The following PPARG variants were observed in gnomAD, a reference collection of about 807,000 sequenced individuals.
PPARG encodes peroxisome proliferator-activated receptor gamma.
A neutral mutation model predicts 39.2 loss-of-function variants in PPARG; 17 were observed. That is an observed-to-expected ratio of 0.43 (90% confidence interval 0.30 to 0.65). PPARG has a LOEUF of 0.65. PPARG is among the 30% of genes least tolerant of loss of function. The pLI, the probability that PPARG is intolerant of heterozygous loss-of-function variation, is 0.13. For missense variants in PPARG, 406 were observed against 585.9 expected (o/e 0.69, Z 3.17); for synonymous variants, 223 against 215.7 (o/e 1.03, Z -0.30).
intron 2 of PPARG, chr3:12,328,322 G>C (rs2047754131): frequency 1.1e-6 from 1 of 947,536 alleles, no homozygotes; most frequent in East Asian, 2.6e-5. Context: ...CTCATTCCTG[G>C]TGGGGGCAGA....
rs550429402 is a variant in PPARG, at chr3:12,428,636, TCAGTAAAGGA to T, written c.1181-5260_1181-5251del. The stretch of plus-strand genomic sequence containing the variant: ...GCACAACTGTGGCACCTGGCTTAGC[TCAGTAAAGGA>T]CTGAGTGTGCGTGGAGCAGAAAGGG... On this transcript the variant is annotated intron_variant, in intron 7 of 7. Transcript: ENST00000651735. 4.4e-4 allele frequency among the ~76,000 whole-genome samples: 67 copies of T among 152,278 alleles called. No homozygotes were observed. In the South Asian group the frequency reaches 0.014, roughly 32 times the overall value.
intron 3 of PPARG, 68 bp downstream of exon 3, chr3:12,379,999 T>C (rs1005440901): frequency 7.8e-7 from 1 of 1,279,380 alleles, no homozygotes; most frequent in Non-Finnish European, 1.1e-6. Flanking sequence ...AGTAACCCTG[T>C]AATAAATAAT....
chr3:12,395,035 TC>T (rs750141263), intron 5 of PPARG, among the ~76,000 whole-genome samples: 10 of 152,188 alleles, frequency 6.6e-5, no homozygotes, highest in Non-Finnish European at 1.5e-4. Flanking sequence ...GAATGTAGCT[TC>T]CCCTTTGGCC....
intron 1 of PPARG, among the ~76,000 whole-genome samples, chr3:12,311,251 A>T (rs2124992212): frequency 6.6e-6 from 1 of 152,198 alleles, no homozygotes; most frequent in African/African-American, 2.4e-5. Flanking sequence ...CTACAGGCAC[A>T]TGCCACCATG....
chr3:12,404,452 G>T (rs1484475997), intron 5 of PPARG, among the ~76,000 whole-genome samples: 1 of 152,198 alleles, frequency 6.6e-6, no homozygotes, highest in African/African-American at 2.4e-5. Flanking sequence ...TGGGAAAGTT[G>T]TCGTGTGCTG....
At chr3:12,386,797 G>A (rs775661845) in intron 4 of PPARG, among the ~76,000 whole-genome samples, 6 of 152,070 alleles carry the variant, frequency 3.9e-5, no homozygotes, top group Non-Finnish European at 8.8e-5. Context: ...TTACACATGT[G>A]TCATGTTGAT....
At chr3:12,342,242 G>A (rs1478267617) in intron 2 of PPARG, among the ~76,000 whole-genome samples, 1 of 152,156 alleles carries the variant, frequency 6.6e-6, no homozygotes, top group Non-Finnish European at 1.5e-5. Context: ...GATACAACAA[G>A]AAAACAACCA....
At chr3:12,413,720 T>C (rs2050961142) in intron 6 of PPARG, among the ~76,000 whole-genome samples, 1 of 149,710 alleles carries the variant, frequency 6.7e-6, no homozygotes, top group South Asian at 2.1e-4. Context: ...CTCTGGAGGC[T>C]GAGGAGAATC....
At chr3:12,309,521 A>G (rs2047167604) in intron 1 of PPARG, among the ~76,000 whole-genome samples, 1 of 152,190 alleles carries the variant, frequency 6.6e-6, no homozygotes, top group African/African-American at 2.4e-5. Flanking sequence ...TCAGGTTTTA[A>G]TATCAGTGTT....
At chr3:12,361,541 G>A (rs542161547) in intron 2 of PPARG, among the ~76,000 whole-genome samples, 1 of 152,312 alleles carries the variant, frequency 6.6e-6, no homozygotes, top group South Asian at 2.1e-4. Context: ...TGTAAGGCAA[G>A]GGTTTATCTC....
At chr3:12,354,617 G>A (rs2048598576) in intron 2 of PPARG, among the ~76,000 whole-genome samples, 1 of 152,136 alleles carries the variant, frequency 6.6e-6, no homozygotes, top group Non-Finnish European at 1.5e-5. Context: ...GCCAGGCGTG[G>A]TGGTGGGCGC....
intron 5 of PPARG, among the ~76,000 whole-genome samples, chr3:12,400,115 C>T (rs2125237174): frequency 6.6e-6 from 1 of 152,112 alleles, no homozygotes; most frequent in African/African-American, 2.4e-5. Flanking sequence ...TACTATTTTT[C>T]AAAAGCCTGA....
intron 2 of PPARG, among the ~76,000 whole-genome samples, chr3:12,374,230 T>A (rs2049324898): frequency 6.6e-6 from 1 of 152,050 alleles, no homozygotes; most frequent in Admixed American, 6.6e-5. Context: ...AGGTGGAGTA[T>A]GGGGTATGTT....
intron 2 of PPARG, among the ~76,000 whole-genome samples, chr3:12,355,028 A>C (rs979406531): frequency 1.3e-5 from 2 of 152,224 alleles, no homozygotes; most frequent in Non-Finnish European, 2.9e-5. Context: ...GCCTAAATAA[A>C]AGTGACAATT....
chr3:12,371,256 A>G (rs2049200812), intron 2 of PPARG, among the ~76,000 whole-genome samples: 1 of 152,166 alleles, frequency 6.6e-6, no homozygotes, highest in Non-Finnish European at 1.5e-5. Context: ...ACTTCCAGCA[A>G]TAGGGTTGGA....
chr3:12,323,760 TA>T (rs1175869591), intron 2 of PPARG, among the ~76,000 whole-genome samples: 4,685 of 137,574 alleles, frequency 0.034, 223 homozygotes, highest in African/African-American at 0.12. Context: ...TCAAGAAGAA[TA>T]AAAAAAAAAA....
chr3:12,309,434 A>G (rs1306893744), intron 1 of PPARG, among the ~76,000 whole-genome samples: 2 of 152,246 alleles, frequency 1.3e-5, no homozygotes, highest in Middle Eastern at 3.4e-3. Context: ...TTAATAGAGG[A>G]TTTAATTTGT....
At chr3:12,327,465 T>G (rs2047727409) in intron 2 of PPARG, among the ~76,000 whole-genome samples, 1 of 152,176 alleles carries the variant, frequency 6.6e-6, no homozygotes, top group Non-Finnish European at 1.5e-5. Context: ...CTTTTTCCAC[T>G]CAGCAGTTTG....
At chr3:12,385,957 T>C (rs2049853520) in intron 4 of PPARG, among the ~76,000 whole-genome samples, 1 of 152,162 alleles carries the variant, frequency 6.6e-6, no homozygotes, top group Non-Finnish European at 1.5e-5. Context: ...TCAAATGATA[T>C]GAAAAATTTG....
Sources: gnomAD v4.1 joint callset for allele counts (sites outside exome capture counted in the v4.1 genomes callset) on GRCh38, gnomAD v4.1.1 for gene constraint, MANE v1.5 for transcripts, NCBI Gene and HGNC (gene_info 2026-07-23, HGNC 2026-07-21) for gene names.